The following ATXN7L1 variants were observed in gnomAD, a reference collection of about 807,000 sequenced individuals.
The protein encoded by ATXN7L1 is ataxin 7 like 1.
ATXN7L1 carries 15 observed loss-of-function variants against 70.8 expected under a neutral mutation model. The ratio of observed to expected loss-of-function variants is 0.21; its 90% CI spans 0.14 to 0.33. ATXN7L1 has a LOEUF of 0.33. ATXN7L1 is among the 10% of genes least tolerant of loss of function. The probability of loss-of-function intolerance (pLI) is 1.00; values close to 1 mark genes in which losing one functional copy is unlikely to be tolerated. For missense variants in ATXN7L1, 975 were observed against 1,097.1 expected (o/e 0.89, Z 1.57); for synonymous variants, 440 against 445.1 (o/e 0.99, Z 0.14).
chr7:105,724,590 AAAAAAAAAAAAAAG>A (rs1166568404), intron 3 of ATXN7L1, among the ~76,000 whole-genome samples: 1 of 145,936 alleles, frequency 6.9e-6, no homozygotes, highest in Non-Finnish European at 1.5e-5. Flanking sequence ...AAAAAAAAAA[AAAAAAAAAAAAAAG>A]GAGGCCGGGC....
At chr7:105,610,834 C>T (rs1378848869) in intron 10 of ATXN7L1, among the ~76,000 whole-genome samples, 1 of 152,186 alleles carries the variant, frequency 6.6e-6, no homozygotes, top group Admixed American at 6.5e-5. Flanking sequence ...TGTGGGGACT[C>T]CTCATACTGC....
At chr7:105,800,095 A>G (rs1806591191) in intron 2 of ATXN7L1, among the ~76,000 whole-genome samples, 1 of 152,218 alleles carries the variant, frequency 6.6e-6, no homozygotes, top group African/African-American at 2.4e-5. Context: ...ACTCCCCCAT[A>G]GAAGAGCTAC....
intron 3 of ATXN7L1, among the ~76,000 whole-genome samples, chr7:105,731,037 G>GT (rs1277363226): frequency 6.6e-6 from 1 of 152,162 alleles, no homozygotes; most frequent in Non-Finnish European, 1.5e-5. Context: ...AACTTTCTGA[G>GT]TGCTGACATG....
At chr7:105,744,020 G>A (rs1798299185) in intron 3 of ATXN7L1, among the ~76,000 whole-genome samples, 1 of 152,146 alleles carries the variant, frequency 6.6e-6, no homozygotes, top group Admixed American at 6.5e-5. Flanking sequence ...TGCAGCATGA[G>A]CTTGATGGCT....
At chr7:105,778,612 T>C (rs1208374771) in intron 3 of ATXN7L1, among the ~76,000 whole-genome samples, 2 of 152,094 alleles carry the variant, frequency 1.3e-5, no homozygotes, top group East Asian at 3.9e-4. Flanking sequence ...TTATATCTGC[T>C]GTGTGCTTAT....
At chr7:105,659,698 C>A (rs1364180710) in intron 4 of ATXN7L1, among the ~76,000 whole-genome samples, 1 of 152,102 alleles carries the variant, frequency 6.6e-6, no homozygotes, top group East Asian at 1.9e-4. Flanking sequence ...TGTCCCAATC[C>A]TCCATGGCAC....
intron 3 of ATXN7L1, among the ~76,000 whole-genome samples, chr7:105,748,301 G>C (rs1461795495): frequency 1.3e-5 from 2 of 152,186 alleles, no homozygotes; most frequent in Admixed American, 1.3e-4. Context: ...GCGGTGGGAT[G>C]CTGGACCTGG....
At chr7:105,790,980 G>T (rs1317699040) in intron 2 of ATXN7L1, among the ~76,000 whole-genome samples, 1 of 152,238 alleles carries the variant, frequency 6.6e-6, no homozygotes, top group Non-Finnish European at 1.5e-5. Flanking sequence ...CACGATCCTA[G>T]GCCAGAAGAG....
chr7:105,664,426 T>C (rs1199859916), intron 4 of ATXN7L1, among the ~76,000 whole-genome samples: 4 of 150,290 alleles, frequency 2.7e-5, no homozygotes, highest in Non-Finnish European at 4.4e-5. Flanking sequence ...TACATGTATA[T>C]ATCTACTCTG....
rs577884503 is a variant in ATXN7L1, at chr7:105,784,916, G to A, written c.355+3688C>T. Among the ~76,000 whole-genome samples the A allele has an allele frequency of 3.3e-5, 5 of 152,286 alleles. No individual in the cohort carries two copies. The South Asian group carries it at 1.0e-3, about 32-fold the overall frequency. ...TGGGGGGTGAAAAAAGTTAGGAGAAGGCTGCGTCCATGGGGCTTGGACCCC... is the reference window on the plus strand; with the variant it reads ...TGGGGGGTGAAAAAAGTTAGGAGAAAGCTGCGTCCATGGGGCTTGGACCCC... On this transcript the variant is annotated intron_variant, in intron 3 of 11. Transcript: ENST00000419735.
intron 2 of ATXN7L1, among the ~76,000 whole-genome samples, chr7:105,862,944 C>T (rs1395933695): frequency 1.3e-5 from 2 of 152,136 alleles, no homozygotes; most frequent in Non-Finnish European, 2.9e-5. Flanking sequence ...ACAACTAGGG[C>T]ATCTCTGTGG....
Position 105,682,162 on chromosome 7 carries a change from T to C in ATXN7L1, c.356-16874A>G, listed in dbSNP as rs539628786. 5.3e-5 allele frequency among the ~76,000 whole-genome samples: 8 copies of C among 151,684 alleles called. No homozygotes were observed. In the East Asian group the frequency reaches 1.6e-3, roughly 29 times the overall value. ...ATGGCTTGAACCCAGGAGGCGGAGG[T>C]TGCAGTAAGCCGAGATCACTGTACT... is the stretch of plus-strand genomic sequence containing the variant. On this transcript the variant is annotated intron_variant, in intron 3 of 11. Coordinates refer to ENST00000419735, the MANE Select transcript of ATXN7L1 (RefSeq NM_020725.2).
At chr7:105,799,383 C>T (rs570186652) in intron 2 of ATXN7L1, among the ~76,000 whole-genome samples, 4 of 152,248 alleles carry the variant, frequency 2.6e-5, no homozygotes, top group African/African-American at 9.6e-5. Flanking sequence ...CAGTGTTCTG[C>T]TTGAAGATTC....
intron 3 of ATXN7L1, among the ~76,000 whole-genome samples, chr7:105,724,470 A>G: frequency 6.7e-6 from 1 of 149,622 alleles, no homozygotes; most frequent in Non-Finnish European, 1.5e-5. Flanking sequence ...GCTACTCAGG[A>G]GGCTGGAACA....
intron 8 of ATXN7L1, among the ~76,000 whole-genome samples, chr7:105,621,813 C>T (rs1213558803): frequency 1.3e-5 from 2 of 152,200 alleles, no homozygotes; most frequent in Non-Finnish European, 2.9e-5. Flanking sequence ...TCCACAAACC[C>T]GTCCTGGAAC....
chr7:105,744,227 CA>C (rs1368466698), intron 3 of ATXN7L1, among the ~76,000 whole-genome samples: 13 of 152,162 alleles, frequency 8.5e-5, no homozygotes, highest in Admixed American at 8.5e-4. Context: ...TTCTACACTA[CA>C]AAAATGGCTA....
chr7:105,608,840 G>A (rs1792907683), intron 11 of ATXN7L1, among the ~76,000 whole-genome samples: 1 of 152,118 alleles, frequency 6.6e-6, no homozygotes, highest in South Asian at 2.1e-4. Flanking sequence ...TTGTTATTTG[G>A]TGTCTACAAA....
At chr7:105,611,325 C>G (rs1793133039) in intron 10 of ATXN7L1, among the ~76,000 whole-genome samples, 1 of 152,238 alleles carries the variant, frequency 6.6e-6, no homozygotes, top group Non-Finnish European at 1.5e-5. Flanking sequence ...CTATAAACCG[C>G]TCCTCTTCTC....
chr7:105,632,100 G>A (rs1406303737), intron 7 of ATXN7L1, among the ~76,000 whole-genome samples: 1 of 152,198 alleles, frequency 6.6e-6, no homozygotes, highest in Non-Finnish European at 1.5e-5. Context: ...TAGGCTGTTA[G>A]AGCCTCTCTT....
Sources: allele counts gnomAD v4.1 joint callset (sites outside exome capture counted in the v4.1 genomes callset), GRCh38; gene constraint gnomAD v4.1.1; transcripts MANE v1.5; gene names NCBI Gene and HGNC (gene_info 2026-07-23, HGNC 2026-07-21).